The following NDST4 variants were observed in gnomAD, a reference collection of about 807,000 sequenced individuals.
NDST4 encodes N-deacetylase and N-sulfotransferase 4.
In NDST4, 63 loss-of-function variants were observed where a neutral mutation model predicts 100.8. The ratio of observed to expected loss-of-function variants is 0.62; its 90% CI spans 0.51 to 0.77. The LOEUF (loss-of-function observed/expected upper bound fraction) is 0.77, where lower values mean the gene tolerates loss of function less well. Among genes scored for constraint, NDST4 ranks in the 30% least tolerant of loss-of-function variants. The pLI, the probability that NDST4 is intolerant of heterozygous loss-of-function variation, is 0.00. For synonymous variants in NDST4, 377 were observed against 361.8 expected, an observed-to-expected ratio of 1.04 and a Z score of -0.48; for missense variants, 943 against 1,018.4, an observed-to-expected ratio of 0.93 and a Z score of 1.01.
At chr4:115,070,521 A>G (rs955182771) in intron 2 of NDST4, among the ~76,000 whole-genome samples, 4 of 152,164 alleles carry the variant, frequency 2.6e-5, no homozygotes, top group African/African-American at 9.7e-5. Context: ...TTAAAAACAT[A>G]ATTAGTTTCT....
chr4:115,025,106 G>GTTCATTATAAATTACCA, intron 2 of NDST4, among the ~76,000 whole-genome samples: 1 of 152,132 alleles, frequency 6.6e-6, no homozygotes, highest in South Asian at 2.1e-4. Context: ...ATAAATTACC[G>GTTCATTATAAATTACCA]AGTCTTGTTA....
intron 2 of NDST4, among the ~76,000 whole-genome samples, chr4:115,043,964 T>G (rs975834812): frequency 6.6e-6 from 1 of 152,088 alleles, no homozygotes; most frequent in Admixed American, 6.6e-5. Flanking sequence ...CATGACCAAA[T>G]AAACATGCGT....
At chr4:115,110,411 C>A (rs1249176497) in intron 1 of NDST4, among the ~76,000 whole-genome samples, 1 of 151,936 alleles carries the variant, frequency 6.6e-6, no homozygotes, top group Admixed American at 6.6e-5. Flanking sequence ...TCAAATAAAT[C>A]AACAGACAAC....
intron 6 of NDST4, among the ~76,000 whole-genome samples, chr4:114,888,785 T>C (rs775132400): frequency 3.3e-5 from 5 of 152,198 alleles, no homozygotes; most frequent in Non-Finnish European, 7.3e-5. Flanking sequence ...CCCATGACTC[T>C]GGCCATAAGA....
chr4:115,100,347 C>T (rs1297174105), intron 1 of NDST4, among the ~76,000 whole-genome samples: 1 of 151,990 alleles, frequency 6.6e-6, no homozygotes, highest in African/African-American at 2.4e-5. Flanking sequence ...TGATAATGAC[C>T]TGTCAGTACT....
intron 4 of NDST4, among the ~76,000 whole-genome samples, chr4:114,940,760 G>A (rs142820029): frequency 2.0e-4 from 30 of 152,270 alleles, no homozygotes; most frequent in African/African-American, 7.2e-4. Flanking sequence ...GTGAATGTGG[G>A]GCGGGTTTAT....
chr4:115,059,843 C>A (rs956345550), intron 2 of NDST4, among the ~76,000 whole-genome samples: 2 of 151,920 alleles, frequency 1.3e-5, no homozygotes, highest in Non-Finnish European at 2.9e-5. Context: ...TGCAATAGCT[C>A]TTATAACTTT....
chr4:115,064,500 G>A (rs1728890625), intron 2 of NDST4, among the ~76,000 whole-genome samples: 1 of 151,938 alleles, frequency 6.6e-6, no homozygotes, highest in African/African-American at 2.4e-5. Context: ...TATTCATCAA[G>A]GAGTCATAAA....
At position 114,976,492 on chromosome 4, in the gene NDST4, G is replaced by A. The variant is rs1334404702; in HGVS notation, c.1066+695C>T. 2.6e-5 allele frequency among the ~76,000 whole-genome samples: 4 copies of A among 151,976 alleles called. No individual in the cohort carries two copies. The East Asian group carries it at 7.7e-4, about 29-fold the overall frequency. ...TCAGAAAATAAAAAGTCAGCATTTT[G>A]GAGGTGAGGGTAAGTAAAGAAGTAA... On this transcript the variant is annotated intron_variant, in intron 3 of 13. Transcript: ENST00000264363.
chr4:115,102,768 G>T (rs975550248), intron 1 of NDST4, among the ~76,000 whole-genome samples: 1 of 137,068 alleles, frequency 7.3e-6, no homozygotes, highest in Non-Finnish European at 1.5e-5. Context: ...GAGTTCAATG[G>T]TGCGGCCTCA....
chr4:115,023,408 C>T (rs1202336606), intron 2 of NDST4, among the ~76,000 whole-genome samples: 1 of 151,152 alleles, frequency 6.6e-6, no homozygotes, highest in East Asian at 2.0e-4. Context: ...TCACTTGAAC[C>T]CGGGAAGCAG....
At chr4:115,018,872 T>C (rs1327951891) in intron 2 of NDST4, among the ~76,000 whole-genome samples, 2 of 151,980 alleles carry the variant, frequency 1.3e-5, no homozygotes, top group East Asian at 1.9e-4. Flanking sequence ...CCAAAACTTA[T>C]CTTTCATTTC....
intron 2 of NDST4, among the ~76,000 whole-genome samples, chr4:115,068,021 G>A (rs1195557566): frequency 4.0e-5 from 6 of 151,304 alleles, no homozygotes; most frequent in Non-Finnish European, 7.4e-5. Context: ...GTGATAGTTT[G>A]CTGAGAATGA....
intron 11 of NDST4, among the ~76,000 whole-genome samples, chr4:114,836,674 T>A (rs1182198940): frequency 6.6e-6 from 1 of 152,216 alleles, no homozygotes; most frequent in Non-Finnish European, 1.5e-5. Context: ...TCTTGCTAGG[T>A]AGGGGAAGTT....
chr4:114,831,069 G>T (rs1191511406), intron 12 of NDST4, among the ~76,000 whole-genome samples: 4 of 151,182 alleles, frequency 2.6e-5, no homozygotes, highest in African/African-American at 9.7e-5. Flanking sequence ...TTTTTGAGAC[G>T]GAGTCTCGCT....
chr4:114,946,079 C>T (rs1725856753), intron 4 of NDST4, among the ~76,000 whole-genome samples: 1 of 152,130 alleles, frequency 6.6e-6, no homozygotes, highest in African/African-American at 2.4e-5. Context: ...ATTCTTGACC[C>T]TGCTGAAGGT....
chr4:115,005,188 C>A (rs1475810378), intron 2 of NDST4, among the ~76,000 whole-genome samples: 4 of 152,106 alleles, frequency 2.6e-5, no homozygotes, highest in Non-Finnish European at 5.9e-5. Flanking sequence ...TTTTTCCAGG[C>A]ACTGGTGATA....
chr4:114,888,872 CT>C (rs1457984903), intron 6 of NDST4, among the ~76,000 whole-genome samples: 3 of 152,176 alleles, frequency 2.0e-5, no homozygotes, highest in African/African-American at 7.2e-5. Context: ...CATAGTCATT[CT>C]CATTTTTTTT....
At chr4:115,109,082 T>C (rs1198378723) in intron 1 of NDST4, among the ~76,000 whole-genome samples, 1 of 142,660 alleles carries the variant, frequency 7.0e-6, no homozygotes, top group African/African-American at 2.6e-5. Context: ...GAAAAAGTGG[T>C]AAAATAAGAA....
Sources: gnomAD v4.1 joint callset for allele counts (sites outside exome capture counted in the v4.1 genomes callset) on GRCh38, gnomAD v4.1.1 for gene constraint, MANE v1.5 for transcripts, NCBI Gene and HGNC (gene_info 2026-07-23, HGNC 2026-07-21) for gene names.